The following RTN4 variants were observed in gnomAD, a reference collection of about 807,000 sequenced individuals.
RTN4 encodes reticulon-4.
RTN4 carries 32 observed loss-of-function variants against 90.4 expected under a neutral mutation model. The ratio of observed to expected loss-of-function variants is 0.35; its 90% CI spans 0.27 to 0.48. RTN4 has a LOEUF of 0.48. RTN4 is among the 20% of genes least tolerant of loss of function. The pLI, the probability that RTN4 is intolerant of heterozygous loss-of-function variation, is 0.99. For missense variants in RTN4, 1,706 were observed against 1,430.2 expected (o/e 1.19, Z -3.11); for synonymous variants, 629 against 552.5 (o/e 1.14, Z -1.94).
chr2:55,104,721 T>A (rs1667911975), intron 1 of RTN4, among the ~76,000 whole-genome samples: 1 of 152,094 alleles, frequency 6.6e-6, no homozygotes, highest in Non-Finnish European at 1.5e-5. Flanking sequence ...TTGCTGAGCA[T>A]TGGGAAATAA....
At chr2:55,036,210 A>C (rs576219012) in intron 1 of RTN4, among the ~76,000 whole-genome samples, 2 of 152,322 alleles carry the variant, frequency 1.3e-5, no homozygotes, top group South Asian at 4.1e-4. Context: ...AAAATCTTCA[A>C]TAAAATAGTA....
chr2:55,003,997 G>C (rs150709722), intron 3 of RTN4, among the ~76,000 whole-genome samples: 1 of 152,084 alleles, frequency 6.6e-6, no homozygotes, highest in East Asian at 1.9e-4. Flanking sequence ...GACAACCGGA[G>C]AACAAATTTA....
intron 2 of RTN4, among the ~76,000 whole-genome samples, chr2:55,072,939 G>A (rs1050685489): frequency 6.6e-6 from 1 of 152,152 alleles, no homozygotes; most frequent in African/African-American, 2.4e-5. Flanking sequence ...TCTATCCCCT[G>A]AAAATGAGCT....
chr2:54,993,829 A>G (rs1170697877), intron 3 of RTN4, among the ~76,000 whole-genome samples: 2 of 152,232 alleles, frequency 1.3e-5, no homozygotes, highest in East Asian at 3.8e-4. Flanking sequence ...GATAATATGA[A>G]TATATCCTAG....
At position 55,049,818 on chromosome 2, in the gene RTN4, C is replaced by T. The variant is rs1178180532; in HGVS notation, c.483G>A (p.Pro161=). The change falls in exon 1 of 9, where the codon CCG becomes CCA. Residue 161 remains proline, a synonymous_variant. Transcript: ENST00000337526. The part of the protein sequence containing the change: ...VSPQAEPVWT[P]PAPAPAAPPS... ...GGGGCGCGGCGGGAGCCGGGGCTGG[C>T]GGGGTCCACACGGGCTCTGCCTGGG... is the stretch of plus-strand genomic sequence containing the variant. The T allele has an allele frequency of 7.1e-6, 7 of 992,490 alleles. No individual in the cohort carries two copies. Among genetic ancestry groups the T allele is most frequent in the Admixed American group, 6.7e-5 (1 of 14,918 alleles). The allele number at this position is 992,490 out of a possible 1,614,324, so 61.5% of individuals were successfully genotyped here.
chr2:54,983,804 G>C (rs183614176), intron 4 of RTN4, among the ~76,000 whole-genome samples: 2 of 152,162 alleles, frequency 1.3e-5, no homozygotes, highest in African/African-American at 4.8e-5. Context: ...TAGAAGACCT[G>C]CCACTACCTA....
At chr2:55,091,625 T>G (rs919663844) in intron 1 of RTN4, among the ~76,000 whole-genome samples, 2 of 152,170 alleles carry the variant, frequency 1.3e-5, no homozygotes. Context: ...CCCAGGAGTT[T>G]GGGACCTGCC....
chr2:55,005,226 A>G (rs546911891), intron 3 of RTN4, among the ~76,000 whole-genome samples: 41 of 152,302 alleles, frequency 2.7e-4, no homozygotes, highest in Non-Finnish European at 5.3e-4. Flanking sequence ...TGCACTTTGG[A>G]AGAGTAATTT....
chr2:55,026,025 C>T lies in RTN4; in HGVS notation c.2074G>A (p.Ala692Thr), dbSNP rs1245902887. Residue 692 changes from alanine to threonine, a missense_variant, in exon 3 of 9, where the codon GCT becomes ACT. Physicochemically the swap from Ala to Thr is moderately conservative, Grantham distance 58. Coordinates refer to ENST00000337526, the MANE Select transcript of RTN4 (RefSeq NM_020532.5). ...NINAALQETE[A>T]PYISIACDLI... Reference sequence around the variant, plus strand: ...TCACATGCAATAGATATATAAGGAGCTTCTGTTTCTTGAAGAGCTGCATTA... The same window carrying T: ...TCACATGCAATAGATATATAAGGAGTTTCTGTTTCTTGAAGAGCTGCATTA... The T allele has an allele frequency of 3.1e-6, 5 of 1,611,470 alleles. No homozygotes were observed. The highest frequency in any genetic ancestry group is 2.7e-5 in the African/African-American group (2 of 74,666).
intron 3 of RTN4, among the ~76,000 whole-genome samples, chr2:55,004,562 G>C (rs550852053): frequency 6.6e-6 from 1 of 152,082 alleles, no homozygotes; most frequent in Non-Finnish European, 1.5e-5. Flanking sequence ...CTTTAAGAAG[G>C]GGAAAAGTGG....
intron 1 of RTN4, among the ~76,000 whole-genome samples, chr2:55,081,019 ACTCT>A (rs201124492): frequency 4.0e-4 from 61 of 151,882 alleles, no homozygotes; most frequent in African/African-American, 1.3e-3. Flanking sequence ...CACTGTATTC[ACTCT>A]CTCTTTCTTT....
chr2:54,980,753 T>C (rs1216187604), intron 5 of RTN4, among the ~76,000 whole-genome samples: 1 of 152,262 alleles, frequency 6.6e-6, no homozygotes, highest in Non-Finnish European at 1.5e-5. Context: ...TCTGAATTAC[T>C]ACTTACAGAC....
At chr2:55,067,370 T>C (rs115099273) in intron 2 of RTN4, among the ~76,000 whole-genome samples, 1 of 152,100 alleles carries the variant, frequency 6.6e-6, no homozygotes, top group Non-Finnish European at 1.5e-5. Flanking sequence ...GAATAGCACA[T>C]GTTTGCTTTG....
chr2:55,052,788 T>C (rs985369893), upstream of RTN4, among the ~76,000 whole-genome samples: 3 of 152,244 alleles, frequency 2.0e-5, no homozygotes. Context: ...ACCTTTTCTA[T>C]TGTCACAGTT....
At chr2:54,981,367 T>A (rs889962227) in intron 5 of RTN4, among the ~76,000 whole-genome samples, 2 of 152,000 alleles carry the variant, frequency 1.3e-5, no homozygotes, top group African/African-American at 4.8e-5. Context: ...AAAGGCCCAG[T>A]CACCTTATTA....
At chr2:55,108,199 C>T (rs748736312) in intron 1 of RTN4, among the ~76,000 whole-genome samples, 1 of 152,154 alleles carries the variant, frequency 6.6e-6, no homozygotes, top group Non-Finnish European at 1.5e-5. Context: ...AGGTGATCCA[C>T]CTGCCTCGGC....
At chr2:55,133,497 C>T in the RTN4 span, among the ~76,000 whole-genome samples, 1 of 152,136 alleles carries the variant, frequency 6.6e-6, no homozygotes. Flanking sequence ...TTTCTTGTAA[C>T]CTCCTCCTTA....
intron 6 of RTN4, among the ~76,000 whole-genome samples, 184 bp downstream of exon 6, chr2:54,974,511 C>T (rs756188677): frequency 7.9e-5 from 12 of 152,146 alleles, no homozygotes; most frequent in Admixed American, 2.0e-4. Flanking sequence ...GAACTCCTGG[C>T]CCCAGGTGAT....
intron 5 of RTN4, 42 bp from the exon 6 acceptor site, chr2:54,974,806 G>C (rs753646746): frequency 1.9e-6 from 3 of 1,548,456 alleles, no homozygotes; most frequent in South Asian, 1.1e-5. Context: ...CAAAATTCAA[G>C]TAAAGTTTCT....
Sources: allele counts gnomAD v4.1 joint callset (sites outside exome capture counted in the v4.1 genomes callset), GRCh38; gene constraint gnomAD v4.1.1; transcripts MANE v1.5; gene names NCBI Gene and HGNC (gene_info 2026-07-23, HGNC 2026-07-21).